Variants in TBCA observed in about 807,000 individuals in gnomAD.
TBCA encodes the protein tubulin-specific chaperone A.
In TBCA, 6 loss-of-function variants were observed where a neutral mutation model predicts 15.8. That is an observed-to-expected ratio of 0.38 (90% confidence interval 0.21 to 0.75). TBCA has a LOEUF of 0.75. TBCA is among the 30% of genes least tolerant of loss of function. The pLI, the probability that TBCA is intolerant of heterozygous loss-of-function variation, is 0.46. For missense variants in TBCA, 90 were observed against 131.2 expected (o/e 0.69, Z 1.53); for synonymous variants, 32 against 42.3 (o/e 0.76, Z 0.94).
chr5:77,695,154 A>G (rs1455468347), intron 2 of TBCA, among the ~76,000 whole-genome samples: 3 of 152,200 alleles, frequency 2.0e-5, no homozygotes, highest in Non-Finnish European at 4.4e-5. Context: ...GTAAAAAGAA[A>G]TATTTTCTAA....
chr5:77,692,123 GAAATA>G lies in TBCA; in HGVS notation c.247-630_247-626del, dbSNP rs1194369328. The G allele has an allele frequency of 3.1e-6, 3 of 982,994 alleles. No homozygotes were observed. In the African/African-American group the frequency reaches 5.2e-5, roughly 17 times the overall value. The allele number at this position is 982,994 out of a possible 1,614,324, so 60.9% of individuals were successfully genotyped here. A position where few individuals can be genotyped will look rare whatever the true frequency, so the allele number is the denominator to read the frequency against. ...TATATTGTAATGATAACAGACAAATGAAATAATATTATCTAAAGTACACAGGAAAT... is the reference window on the plus strand; with the variant it reads ...TATATTGTAATGATAACAGACAAATGATATTATCTAAAGTACACAGGAAAT... On this transcript the variant is annotated intron_variant, in intron 3 of 3. Coordinates refer to ENST00000380377, the MANE Select transcript of TBCA (RefSeq NM_004607.3).
intron 1 of TBCA, among the ~76,000 whole-genome samples, chr5:77,730,239 G>C (rs772978646): frequency 6.6e-6 from 1 of 152,144 alleles, no homozygotes; most frequent in Non-Finnish European, 1.5e-5. Context: ...ATTGGGGTAG[G>C]CCATAAATCC....
rs368356016 is a variant in TBCA at position 77,755,589 on chromosome 5, A to G, written c.53+20616T>C. Among the ~76,000 whole-genome samples, 29 of 152,182 alleles carry G rather than the reference A, an allele frequency of 1.9e-4. No homozygotes were observed. In the East Asian group the frequency reaches 3.9e-3, roughly 20 times the overall value. ...ACTCCATCTCAAAAAATAAATAAAAATTTAAAATAATAAATAAATAAAATG... is the reference window on the plus strand; with the variant it reads ...ACTCCATCTCAAAAAATAAATAAAAGTTTAAAATAATAAATAAATAAAATG... On this transcript the variant is annotated intron_variant, in intron 1 of 3. Coordinates refer to ENST00000380377, the MANE Select transcript of TBCA (RefSeq NM_004607.3).
intron 1 of TBCA, among the ~76,000 whole-genome samples, chr5:77,743,163 C>T (rs570118012): frequency 8.5e-5 from 13 of 152,198 alleles, no homozygotes; most frequent in South Asian, 8.3e-4. Context: ...CTCAAAATAC[C>T]GGTTAGGAGA....
chr5:77,704,192 A>G (rs1746091917), intron 2 of TBCA, among the ~76,000 whole-genome samples: 1 of 152,100 alleles, frequency 6.6e-6, no homozygotes, highest in South Asian at 2.1e-4. Context: ...GCTAGTCTCA[A>G]ATTCTGGGCT....
intron 1 of TBCA, among the ~76,000 whole-genome samples, chr5:77,764,787 A>ATC (rs1747733022): frequency 1.3e-4 from 5 of 38,916 alleles, no homozygotes; most frequent in African/African-American, 2.9e-4. Context: ...AACAACTCAA[A>ATC]ACTGTCTCCT....
At chr5:77,722,450 C>T (rs941530921) in intron 1 of TBCA, among the ~76,000 whole-genome samples, 7 of 151,884 alleles carry the variant, frequency 4.6e-5, no homozygotes, top group Admixed American at 1.3e-4. Context: ...AAAGTAACAA[C>T]GTTTTTATGA....
At chr5:77,735,658 TTCG>T (rs1320460300) in intron 1 of TBCA, among the ~76,000 whole-genome samples, 2 of 152,210 alleles carry the variant, frequency 1.3e-5, no homozygotes, top group Non-Finnish European at 2.9e-5. Context: ...AAATTAGATA[TTCG>T]TTTCTATCAA....
intron 1 of TBCA, among the ~76,000 whole-genome samples, chr5:77,745,813 A>G (rs1397541755): frequency 1.3e-5 from 2 of 152,232 alleles, no homozygotes; most frequent in African/African-American, 4.8e-5. Context: ...GCAGCTGACA[A>G]GGGAGGTACT....
chr5:77,775,720 C>G (rs1391599469), intron 1 of TBCA, among the ~76,000 whole-genome samples: 1 of 152,206 alleles, frequency 6.6e-6, no homozygotes, highest in African/African-American at 2.4e-5. Context: ...TGTTAGGTCA[C>G]ACGGCTCCAC....
At chr5:77,703,445 T>G (rs1024040257) in intron 2 of TBCA, among the ~76,000 whole-genome samples, 1 of 152,116 alleles carries the variant, frequency 6.6e-6, no homozygotes, top group Non-Finnish European at 1.5e-5. Flanking sequence ...TAAAATCAAT[T>G]TGGGCAATAT....
chr5:77,760,170 A>G (rs571226143), intron 1 of TBCA, among the ~76,000 whole-genome samples: 13 of 152,350 alleles, frequency 8.5e-5, no homozygotes, highest in African/African-American at 3.1e-4. Context: ...ACAGAGGATC[A>G]GTCCTCAATA....
intron 2 of TBCA, chr5:77,705,611 G>A (rs764310281): frequency 1.5e-5 from 6 of 398,358 alleles, no homozygotes; most frequent in Non-Finnish European, 2.7e-5. Flanking sequence ...GAGGATCACT[G>A]GAGGCCAGGA....
At chr5:77,719,848 T>C (rs946606627) in intron 1 of TBCA, among the ~76,000 whole-genome samples, 3 of 152,100 alleles carry the variant, frequency 2.0e-5, no homozygotes, top group Admixed American at 1.3e-4. Context: ...AAAAAGTGCA[T>C]ACTACTGAAA....
At position 77,772,353 on chromosome 5, in the gene TBCA, T is replaced by C. The variant is rs773189574; in HGVS notation, c.53+3852A>G. On this transcript the variant is annotated intron_variant, in intron 1 of 3. Transcript: ENST00000380377. ...GAGGTAAAATATAGATTTTTAAAAA[T>C]AGGTTGCAGGGTTTAAAACCTAGAT... Among the ~76,000 whole-genome samples the C allele has an allele frequency of 3.9e-5, 6 of 152,160 alleles. No homozygotes were observed. The South Asian group carries it at 1.0e-3, about 26-fold the overall frequency.
At chr5:77,726,756 G>A (rs1367526389) in intron 1 of TBCA, among the ~76,000 whole-genome samples, 1 of 152,090 alleles carries the variant, frequency 6.6e-6, no homozygotes, top group Non-Finnish European at 1.5e-5. Flanking sequence ...TAAGTGCAAG[G>A]ATTAAAATTA....
In TBCA at chr5:77,762,109, G is replaced by A. The variant is rs547496548; in HGVS notation, c.53+14096C>T. ...GGCTATGTGCATGTGGGGAAGGACA[G>A]TAGATACTGGAATGAAAATACAGGT... On this transcript the variant is annotated intron_variant, in intron 1 of 3. Transcript: ENST00000380377. 9.2e-5 allele frequency among the ~76,000 whole-genome samples: 14 copies of A among 152,342 alleles called. No individual in the cohort carries two copies. The South Asian group carries it at 2.9e-3, about 32-fold the overall frequency.
At chr5:77,766,108 CCTA>C (rs1023826654) in intron 1 of TBCA, among the ~76,000 whole-genome samples, 10 of 151,886 alleles carry the variant, frequency 6.6e-5, no homozygotes, top group African/African-American at 2.4e-4. Context: ...TACCTATGTC[CCTA>C]CTATTTTTCT....
intron 1 of TBCA, among the ~76,000 whole-genome samples, chr5:77,762,529 A>C (rs1007210632): frequency 2.0e-5 from 3 of 152,232 alleles, no homozygotes; most frequent in Admixed American, 1.3e-4. Flanking sequence ...TGGGTTAAAA[A>C]CATTATCAAC....
Sources: allele counts gnomAD v4.1 joint callset (sites outside exome capture counted in the v4.1 genomes callset), GRCh38; gene constraint gnomAD v4.1.1; transcripts MANE v1.5; gene names NCBI Gene and HGNC (gene_info 2026-07-23, HGNC 2026-07-21).